The following CNKSR2 variants were observed in gnomAD, a reference collection of about 807,000 sequenced individuals.
The protein encoded by CNKSR2 is connector enhancer of kinase suppressor of Ras 2.
A neutral mutation model predicts 84.4 loss-of-function variants in CNKSR2; 14 were observed. That is an observed-to-expected ratio of 0.17 (90% CI 0.11 to 0.26). CNKSR2 has a LOEUF of 0.26. Among genes scored for constraint, CNKSR2 ranks in the 10% least tolerant of loss-of-function variants. CNKSR2 has a pLI of 1.00. For missense variants in CNKSR2, 485 were observed against 771.2 expected, an observed-to-expected ratio of 0.63 and a Z score of 4.40; for synonymous variants, 275 against 277.9, an observed-to-expected ratio of 0.99 and a Z score of 0.10.
intron 10 of CNKSR2, 77 bp downstream of exon 10, chrX:21,527,077 T>A (rs980110282): frequency 3.3e-6 from 3 of 903,787 alleles, no homozygotes; most frequent in East Asian, 3.2e-5. Flanking sequence ...CAAAGTCAAT[T>A]CTGAAGGAAC....
intron 4 of CNKSR2, among the ~76,000 whole-genome samples, chrX:21,445,152 G>T (rs1220507294): frequency 7.2e-5 from 8 of 111,387 alleles, no homozygotes; most frequent in South Asian, 3.7e-4. Flanking sequence ...CATTCTGGGT[G>T]ACCTGAAAAT....
chrX:21,447,835 G>A lies in CNKSR2; in HGVS notation c.519+7054G>A, dbSNP rs149309802. The stretch of plus-strand genomic sequence containing the variant: ...GATTACAGAAATTTAGAAACTTTAG[G>A]AGTTTAGAATCAAGTAAAGAGCTGT... On this transcript the variant is annotated intron_variant, in intron 4 of 21. Coordinates refer to ENST00000379510, the MANE Select transcript of CNKSR2 (RefSeq NM_014927.5). Among the ~76,000 whole-genome samples, 614 of 111,504 alleles carry A rather than the reference G, an allele frequency of 5.5e-3. 2 individuals carry two copies. The highest frequency in any genetic ancestry group is 0.019 in the African/African-American group (587 of 30,738).
At chrX:21,479,991 G>T (rs1399302841) in intron 5 of CNKSR2, among the ~76,000 whole-genome samples, 1 of 111,079 alleles carries the variant, frequency 9.0e-6, no homozygotes, top group African/African-American at 3.3e-5. Context: ...ACTGCTAGTG[G>T]ACCCTGCAAC....
intron 1 of CNKSR2, among the ~76,000 whole-genome samples, chrX:21,404,580 G>A (rs1266995724): frequency 2.7e-5 from 3 of 109,271 alleles, no homozygotes; most frequent in African/African-American, 6.6e-5. Flanking sequence ...TTTGAAGTCA[G>A]GAGTTTGAGA....
intron 13 of CNKSR2, among the ~76,000 whole-genome samples, chrX:21,581,608 T>C (rs1022464153): frequency 9.0e-6 from 1 of 110,984 alleles, no homozygotes; most frequent in African/African-American, 3.3e-5. Flanking sequence ...TGAAAAGGGG[T>C]TGGACTCTGG....
intron 3 of CNKSR2, among the ~76,000 whole-genome samples, chrX:21,438,128 A>C (rs185560379): frequency 8.9e-6 from 1 of 111,884 alleles, no homozygotes; most frequent in Non-Finnish European, 1.9e-5. Flanking sequence ...TTGTTGTGCA[A>C]ACATCATAGA....
At chrX:21,515,575 A>G (rs1349573899) in intron 8 of CNKSR2, among the ~76,000 whole-genome samples, 1 of 111,543 alleles carries the variant, frequency 9.0e-6, no homozygotes, top group Non-Finnish European at 1.9e-5. Flanking sequence ...ACTTGGAATA[A>G]TAGACATTTT....
intron 11 of CNKSR2, among the ~76,000 whole-genome samples, chrX:21,533,124 G>C (rs1364958496): frequency 2.7e-5 from 3 of 110,813 alleles, no homozygotes; most frequent in Non-Finnish European, 5.7e-5. Flanking sequence ...GTTATTCTCT[G>C]TACATGTGCT....
chrX:21,448,607 TC>T (rs1447515017), intron 4 of CNKSR2, among the ~76,000 whole-genome samples: 5 of 111,834 alleles, frequency 4.5e-5, no homozygotes, highest in African/African-American at 1.6e-4. Flanking sequence ...GCAAAAGTAA[TC>T]ATAGTTTTTG....
intron 13 of CNKSR2, among the ~76,000 whole-genome samples, chrX:21,579,368 G>A (rs2092340324): frequency 9.0e-6 from 1 of 111,334 alleles, no homozygotes; most frequent in Admixed American, 9.5e-5. Context: ...TCTCTACTGG[G>A]AGTATGTATG....
At chrX:21,500,769 T>TA (rs780045902) in intron 7 of CNKSR2, among the ~76,000 whole-genome samples, 8 of 111,357 alleles carry the variant, frequency 7.2e-5, no homozygotes, top group Middle Eastern at 4.9e-3. Context: ...AAAAAAGTGT[T>TA]AGATTATTGC....
intron 1 of CNKSR2, among the ~76,000 whole-genome samples, chrX:21,395,792 G>A (rs917809016): frequency 9.0e-6 from 1 of 111,661 alleles, no homozygotes; most frequent in Non-Finnish European, 1.9e-5. Context: ...ACCAGTGACA[G>A]TTGGGCCCTC....
At chrX:21,378,768 T>A (rs755924284) in intron 1 of CNKSR2, among the ~76,000 whole-genome samples, 1 of 111,649 alleles carries the variant, frequency 9.0e-6, no homozygotes, top group African/African-American at 3.3e-5. Context: ...TTAATCTCTC[T>A]GGGTCAAATA....
At chrX:21,551,012 C>A (rs1021360373) in intron 11 of CNKSR2, among the ~76,000 whole-genome samples, 2 of 100,933 alleles carry the variant, frequency 2.0e-5, no homozygotes, top group Admixed American at 2.2e-4. Flanking sequence ...GCCTGGGCAA[C>A]AGAGCAAGAC....
intron 1 of CNKSR2, among the ~76,000 whole-genome samples, chrX:21,394,526 G>A (rs749703067): frequency 9.0e-6 from 1 of 111,098 alleles, no homozygotes; most frequent in Non-Finnish European, 1.9e-5. Context: ...CTAGTTATTA[G>A]AATGGTATAT....
chrX:21,399,815 C>G lies in CNKSR2; in HGVS notation c.64+24854C>G, dbSNP rs746132332. On this transcript the variant is annotated intron_variant, in intron 1 of 21. Coordinates refer to ENST00000379510, the MANE Select transcript of CNKSR2 (RefSeq NM_014927.5). ...GTGTGGCCTTTGAAGCCAAATACAC[C>G]TATATTTAAATGCCAGCTTTGCTAT... Among the ~76,000 whole-genome samples, 12 of 111,631 alleles carry G rather than the reference C, an allele frequency of 1.1e-4. No homozygotes were observed. The East Asian group carries it at 3.4e-3, about 31-fold the overall frequency.
chrX:21,454,382 A>G (rs1239135387), intron 4 of CNKSR2, among the ~76,000 whole-genome samples: 5 of 112,304 alleles, frequency 4.5e-5, no homozygotes, highest in African/African-American at 1.6e-4. Flanking sequence ...TGCTTACTGC[A>G]CAGCAGTCTG....
intron 8 of CNKSR2, among the ~76,000 whole-genome samples, chrX:21,508,864 C>A (rs2091641428): frequency 1.8e-5 from 2 of 112,349 alleles, no homozygotes; most frequent in African/African-American, 6.5e-5. Context: ...ATAAAACTTA[C>A]ATGAAAAATT....
At chrX:21,379,855 T>C (rs1260881991) in intron 1 of CNKSR2, among the ~76,000 whole-genome samples, 1 of 111,706 alleles carries the variant, frequency 9.0e-6, no homozygotes, top group Non-Finnish European at 1.9e-5. Context: ...GATAATTTTA[T>C]TGAATCAGGA....
Sources: allele counts gnomAD v4.1 joint callset (sites outside exome capture counted in the v4.1 genomes callset), GRCh38; gene constraint gnomAD v4.1.1; transcripts MANE v1.5; gene names NCBI Gene and HGNC (gene_info 2026-07-23, HGNC 2026-07-21).